The following ETNK1 variants were observed in gnomAD, a reference collection of about 807,000 sequenced individuals.
The protein encoded by ETNK1 is putative protein product of Nbla10396.
ETNK1 carries 8 observed loss-of-function variants against 45.1 expected under a neutral mutation model. The ratio of observed to expected loss-of-function variants is 0.18; its 90% CI spans 0.10 to 0.32. The LOEUF (loss-of-function observed/expected upper bound fraction) is 0.32, where lower values mean the gene tolerates loss of function less well. Among genes scored for constraint, ETNK1 ranks in the 10% least tolerant of loss-of-function variants. ETNK1 has a pLI of 1.00. For missense variants in ETNK1, 302 were observed against 430.6 expected (o/e 0.70, Z 2.64); for synonymous variants, 152 against 151.9 (o/e 1.00, Z -0.01).
intron 2 of ETNK1, among the ~76,000 whole-genome samples, chr12:22,648,606 T>C (rs1476009726): frequency 6.6e-6 from 1 of 152,058 alleles, no homozygotes; most frequent in African/African-American, 2.4e-5. Flanking sequence ...AAATCTATTT[T>C]GTTCATTCAA....
intron 4 of ETNK1, among the ~76,000 whole-genome samples, chr12:22,667,358 G>A (rs1954064123): frequency 6.6e-6 from 1 of 151,928 alleles, no homozygotes; most frequent in Admixed American, 6.6e-5. Flanking sequence ...TTTTCTACTA[G>A]CATTTAAATA....
At chr12:22,629,617 A>G (rs1429672006) in intron 1 of ETNK1, among the ~76,000 whole-genome samples, 1 of 152,190 alleles carries the variant, frequency 6.6e-6, no homozygotes, top group Non-Finnish European at 1.5e-5. Flanking sequence ...TGTCTCCACT[A>G]GTGTTCTGAT....
chr12:22,653,229 T>A (rs1162598368), intron 2 of ETNK1, among the ~76,000 whole-genome samples: 2 of 152,188 alleles, frequency 1.3e-5, no homozygotes, highest in Non-Finnish European at 2.9e-5. Flanking sequence ...TTTTTCTTTG[T>A]GACAGCACCA....
At chr12:22,640,764 G>A (rs1249962005) in intron 1 of ETNK1, among the ~76,000 whole-genome samples, 2 of 152,010 alleles carry the variant, frequency 1.3e-5, no homozygotes, top group African/African-American at 4.8e-5. Flanking sequence ...AAGGTTACTC[G>A]GTTTGTATGT....
intron 2 of ETNK1, among the ~76,000 whole-genome samples, chr12:22,653,340 G>A (rs1332785199): frequency 6.6e-6 from 1 of 151,970 alleles, no homozygotes; most frequent in Non-Finnish European, 1.5e-5. Flanking sequence ...TTAGCTACTC[G>A]GGTCCCTTGA....
intron 1 of ETNK1, among the ~76,000 whole-genome samples, chr12:22,639,457 A>G (rs1273020277): frequency 6.6e-6 from 1 of 152,120 alleles, no homozygotes; most frequent in Non-Finnish European, 1.5e-5. Context: ...CGGGTGGATC[A>G]CCTGAGATCA....
In ETNK1 at chr12:22,686,264, A is replaced by G. The variant is rs1256032796; in HGVS notation, c.*1310A>G. On this transcript the variant is annotated 3_prime_UTR_variant, in exon 8 of 8. Transcript: ENST00000266517. Reference sequence around the variant, plus strand: ...GAAGTTAGATCTTTCAGATAGATAAATAGGCTTCAGGTTTTGAAGTCTGCT... The same window carrying G: ...GAAGTTAGATCTTTCAGATAGATAAGTAGGCTTCAGGTTTTGAAGTCTGCT... 2.6e-5 allele frequency: 4 copies of G among 152,384 alleles called. No individual in the cohort carries two copies. Among genetic ancestry groups the G allele is most frequent in the Admixed American group, 2.6e-4 (4 of 15,250 alleles). 9.4% of individuals were successfully genotyped at this position (152,384 alleles called of 1,614,324 possible). A position where few individuals can be genotyped will look rare whatever the true frequency, so the allele number is the denominator to read the frequency against.
At chr12:22,662,208 C>G (rs1954008590) in intron 4 of ETNK1, among the ~76,000 whole-genome samples, 1 of 148,742 alleles carries the variant, frequency 6.7e-6, no homozygotes, top group Non-Finnish European at 1.5e-5. Context: ...GTTGGGATTA[C>G]AGGTGCACAT....
At position 22,662,128 on chromosome 12, in the gene ETNK1, C is replaced by T. The variant is rs190435472; in HGVS notation, c.700+923C>T. Among the ~76,000 whole-genome samples, 298 of 138,666 alleles carry T rather than the reference C, an allele frequency of 2.1e-3. 1 individual carries two copies. The highest frequency in any genetic ancestry group is 3.5e-3 in the Middle Eastern group (1 of 282). The allele number at this position is 138,666 out of a possible 152,430, so 91.0% of individuals were successfully genotyped here. A position where few individuals can be genotyped will look rare whatever the true frequency, so the allele number is the denominator to read the frequency against. ...TGTCACCCAGGCTGGAGTGCAATGG[C>T]ATAATCTCAGCTCACTGTAACTTCC... is the stretch of plus-strand genomic sequence containing the variant. On this transcript the variant is annotated intron_variant, in intron 4 of 7. Coordinates refer to ENST00000266517, the MANE Select transcript of ETNK1 (RefSeq NM_018638.5).
At chr12:22,642,104 A>C (rs1953747759) in intron 1 of ETNK1, among the ~76,000 whole-genome samples, 1 of 152,124 alleles carries the variant, frequency 6.6e-6, no homozygotes, top group Non-Finnish European at 1.5e-5. Context: ...TTAAGTACCT[A>C]CTGTTTGCTG....
At chr12:22,681,126 G>C (rs1489709697) in intron 6 of ETNK1, among the ~76,000 whole-genome samples, 1 of 151,750 alleles carries the variant, frequency 6.6e-6, no homozygotes, top group Admixed American at 6.6e-5. Flanking sequence ...ATGATGAATG[G>C]GCTGTTTTCT....
At chr12:22,676,334 G>T (rs1391969706) in intron 6 of ETNK1, among the ~76,000 whole-genome samples, 1 of 152,158 alleles carries the variant, frequency 6.6e-6, no homozygotes, top group African/African-American at 2.4e-5. Context: ...CAAAGGACAT[G>T]AACTCATCGT....
intron 2 of ETNK1, chr12:22,644,558 T>C: frequency 3.4e-6 from 1 of 290,770 alleles, no homozygotes; most frequent in Non-Finnish European, 5.7e-6. Flanking sequence ...TAGAAAATGG[T>C]CTGGATTTGA....
At position 22,686,184 on chromosome 12, in the gene ETNK1, A is replaced by C. The variant is rs970193084; in HGVS notation, c.*1230A>C. The C allele has an allele frequency of 6.6e-6, 1 of 152,280 alleles. No homozygotes were observed. Among genetic ancestry groups the C allele is most frequent in the African/African-American group, 2.4e-5 (1 of 41,418 alleles). 9.4% of individuals were successfully genotyped at this position (152,280 alleles called of 1,614,324 possible). ...TTGTTTATTTCTCTTGTTTTTGTTTAACTGTATTTTTAATTTTGTCTGGTG... is the reference window on the plus strand; with the variant it reads ...TTGTTTATTTCTCTTGTTTTTGTTTCACTGTATTTTTAATTTTGTCTGGTG... On this transcript the variant is annotated 3_prime_UTR_variant, in exon 8 of 8. Transcript: ENST00000266517.
intron 1 of ETNK1, among the ~76,000 whole-genome samples, chr12:22,633,845 A>T (rs1953616243): frequency 6.6e-6 from 1 of 151,874 alleles, no homozygotes; most frequent in Non-Finnish European, 1.5e-5. Flanking sequence ...TTTATACTGA[A>T]TTTTTTTCAC....
chr12:22,684,603 T>C (rs1427446305), intron 7 of ETNK1, 47 bp downstream of exon 7: 1 of 1,229,706 alleles, frequency 8.1e-7, no homozygotes, highest in Non-Finnish European at 1.2e-6. Context: ...TGCTTTTGTT[T>C]GGATTAACAT....
chr12:22,647,859 GA>G (rs1953826188), intron 2 of ETNK1, among the ~76,000 whole-genome samples: 1 of 151,888 alleles, frequency 6.6e-6, no homozygotes, highest in Non-Finnish European at 1.5e-5. Context: ...AACGAGTATG[GA>G]ATTTTAAAGC....
intron 1 of ETNK1, among the ~76,000 whole-genome samples, chr12:22,627,893 G>GA (rs1041665480): frequency 9.9e-5 from 15 of 151,706 alleles, no homozygotes; most frequent in African/African-American, 3.6e-4. Context: ...AAAATAAAAA[G>GA]AAAAAAACAA....
chr12:22,641,226 G>A (rs573519563), intron 1 of ETNK1, among the ~76,000 whole-genome samples: 2 of 152,202 alleles, frequency 1.3e-5, no homozygotes, highest in East Asian at 3.9e-4. Flanking sequence ...GGGAGGGTTC[G>A]AGGTAACGGT....
Sources: allele counts gnomAD v4.1 joint callset (sites outside exome capture counted in the v4.1 genomes callset), GRCh38; gene constraint gnomAD v4.1.1; transcripts MANE v1.5; gene names NCBI Gene and HGNC (gene_info 2026-07-23, HGNC 2026-07-21).